PDXDC1: variants seen among roughly 807,000 people sequenced by gnomAD.
PDXDC1 encodes the protein pyridoxal dependent decarboxylase domain containing 1.
A neutral mutation model predicts 100.1 loss-of-function variants in PDXDC1; 42 were observed. That is an observed-to-expected ratio of 0.42 (90% CI 0.33 to 0.54). PDXDC1 has a LOEUF of 0.54. PDXDC1 is among the 20% of genes least tolerant of loss of function. PDXDC1 has a pLI of 0.10. For synonymous variants in PDXDC1, 260 were observed against 371.7 expected (o/e 0.70, Z 3.46); for missense variants, 636 against 979.2 (o/e 0.65, Z 4.68).
chr16:15,109,805 C>G, intron 16 of PDXDC1, among the ~76,000 whole-genome samples: 1 of 139,478 alleles, frequency 7.2e-6, no homozygotes, highest in Non-Finnish European at 1.6e-5. Context: ...GCCAAGATTG[C>G]ACCACAGCAC....
chr16:15,084,691 A>C, intron 16 of PDXDC1: 1 of 1,613,016 alleles, frequency 6.2e-7, no homozygotes, highest in Non-Finnish European at 8.5e-7. Flanking sequence ...CATGTGTCAA[A>C]ATTTGCAGGA....
chr16:15,060,138 AAC>A (rs1303470025), intron 16 of PDXDC1: 1 of 369,420 alleles, frequency 2.7e-6, no homozygotes. Context: ...TTTGAAATTA[AAC>A]AGACTTATAT....
Position 15,031,908 on chromosome 16 carries a change from TAA to T in PDXDC1, c.1571+4_1571+5del. On this transcript the variant is annotated splice_donor_region_variant and intron_variant, in intron 17 of 22. Coordinates refer to ENST00000396410, the MANE Select transcript of PDXDC1 (RefSeq NM_015027.4). Reference sequence around the variant, plus strand: ...CTGGTCTGGAATAGGGGTTGTCAGGTAAAGTCTTGGCCTGCCGCTTGATGTTG... The same window carrying T: ...CTGGTCTGGAATAGGGGTTGTCAGGTAGTCTTGGCCTGCCGCTTGATGTTG... 1.3e-6 allele frequency: 2 copies of T among 1,599,608 alleles called. No homozygotes were observed. Among genetic ancestry groups the T allele is most frequent in the African/African-American group, 1.3e-5 (1 of 74,862 alleles).
At position 15,062,572 on chromosome 16, in the gene PDXDC1, G is replaced by T. The variant is rs536403303; in HGVS notation, c.1399+32516G>T. 9.9e-5 allele frequency among the ~76,000 whole-genome samples: 15 copies of T among 152,256 alleles called. No individual in the cohort carries two copies. In the East Asian group the frequency reaches 2.5e-3, roughly 25 times the overall value. Reference sequence around the variant, plus strand: ...AGCTCCACCTCATGTGACCTGGAGGGTATGTTGCAACCTGCGTCTTCACCA... The same window carrying T: ...AGCTCCACCTCATGTGACCTGGAGGTTATGTTGCAACCTGCGTCTTCACCA... On this transcript the variant is annotated intron_variant, in intron 16 of 16. Coordinates refer to the PDXDC1 transcript ENST00000535621.
At chr16:14,981,216 G>A (rs1260152502) in intron 1 of PDXDC1, among the ~76,000 whole-genome samples, 124 of 152,350 alleles carry the variant, frequency 8.1e-4, no homozygotes, top group Non-Finnish European at 3.1e-4. Context: ...CTTTACGAGT[G>A]TGCCTCATAT....
intron 16 of PDXDC1, chr16:15,076,313 C>G (rs1021888485): frequency 5.0e-6 from 3 of 596,230 alleles, no homozygotes; most frequent in East Asian, 2.7e-5. Context: ...AAAACAAACA[C>G]TGAAAGTTAC....
the PDXDC1 span, among the ~76,000 whole-genome samples, chr16:15,147,297 G>A: frequency 6.6e-6 from 1 of 152,208 alleles, no homozygotes; most frequent in Admixed American, 6.5e-5. Context: ...CTATAAACCA[G>A]GGCACTAGTG....
At chr16:15,087,417 G>A (rs1012775688) in intron 16 of PDXDC1, among the ~76,000 whole-genome samples, 1 of 152,148 alleles carries the variant, frequency 6.6e-6, no homozygotes, top group African/African-American at 2.4e-5. Flanking sequence ...CAGTAAAGAA[G>A]CAGGTCCAAA....
At chr16:14,989,916 G>T (rs1172059326) in intron 1 of PDXDC1, 3 of 1,508,108 alleles carry the variant, frequency 2.0e-6, no homozygotes, top group African/African-American at 2.9e-5. Flanking sequence ...CAGCGGTACC[G>T]CCTCGCCGCG....
chr16:15,066,140 T>C (rs2044959848), intron 16 of PDXDC1, among the ~76,000 whole-genome samples: 1 of 152,202 alleles, frequency 6.6e-6, no homozygotes, highest in Non-Finnish European at 1.5e-5. Context: ...TTGATTTCTG[T>C]CCTGTTAGCC....
downstream of PDXDC1, chr16:15,041,576 G>T: frequency 7.3e-7 from 1 of 1,360,566 alleles, no homozygotes; most frequent in Non-Finnish European, 1.1e-6. Context: ...GGGACAAAAC[G>T]GTCCTGAGAC....
chr16:15,066,827 T>C (rs1283374583), intron 16 of PDXDC1, among the ~76,000 whole-genome samples: 4 of 151,698 alleles, frequency 2.6e-5, no homozygotes, highest in African/African-American at 9.7e-5. Flanking sequence ...ACCATATCTG[T>C]ACCTAGGCAG....
At chr16:15,027,915 A>AG (rs1467686914) in intron 14 of PDXDC1, among the ~76,000 whole-genome samples, 17 of 152,270 alleles carry the variant, frequency 1.1e-4, no homozygotes, top group Non-Finnish European at 1.9e-4. Flanking sequence ...CCGTGGGGGT[A>AG]GAGTCCTAGC....
In PDXDC1 at chr16:15,038,008, C is replaced by CTTTCTTTGGTAATTCATGTTT. The variant is rs769757905; in HGVS notation, c.*1737_*1757dup. The CTTTCTTTGGTAATTCATGTTT allele has an allele frequency of 1.2e-5, 19 of 1,592,456 alleles. No homozygotes were observed. In the South Asian group the frequency reaches 1.9e-4, roughly 16 times the overall value. ...AATGGTCTGTCAGGCCAAGAAGGTG[C>CTTTCTTTGGTAATTCATGTTT]TTTCTTTGGTAATTCATGTTTTTTA... On this transcript the variant is annotated 3_prime_UTR_variant, in exon 23 of 23. Transcript: ENST00000396410.
At chr16:15,097,042 A>C (rs1047658972) in intron 16 of PDXDC1, among the ~76,000 whole-genome samples, 2 of 152,086 alleles carry the variant, frequency 1.3e-5, no homozygotes, top group Admixed American at 1.3e-4. Flanking sequence ...CAGGAGGATA[A>C]CTTGAAGCCA....
intron 16 of PDXDC1, chr16:15,094,502 A>G: frequency 3.7e-6 from 2 of 535,250 alleles, no homozygotes; most frequent in Non-Finnish European, 6.5e-6. Context: ...ATCCCGAAGA[A>G]AGGGTGGAAA....
downstream of PDXDC1, among the ~76,000 whole-genome samples, chr16:15,042,748 A>ATTTATTTAT (rs2043877057): frequency 6.7e-6 from 1 of 149,728 alleles, no homozygotes. Flanking sequence ...TTATTTATTT[A>ATTTATTTAT]TTGAGACGAA....
chr16:15,087,413 A>T (rs958623240), intron 16 of PDXDC1, among the ~76,000 whole-genome samples: 3 of 152,190 alleles, frequency 2.0e-5, no homozygotes, highest in Non-Finnish European at 4.4e-5. Flanking sequence ...AGGCCAGTAA[A>T]GAAGCAGGTC....
At chr16:15,071,950 G>A (rs1407380554) in intron 16 of PDXDC1, among the ~76,000 whole-genome samples, 1 of 152,178 alleles carries the variant, frequency 6.6e-6, no homozygotes, top group Non-Finnish European at 1.5e-5. Flanking sequence ...ACTCCTGTGA[G>A]TGCAAAGCAC....
Sources: gnomAD v4.1 joint callset for allele counts (sites outside exome capture counted in the v4.1 genomes callset) on GRCh38, gnomAD v4.1.1 for gene constraint, MANE v1.5 for transcripts, NCBI Gene and HGNC (gene_info 2026-07-23, HGNC 2026-07-21) for gene names.